MLLT6: variants seen among roughly 807,000 people sequenced by gnomAD.
The protein encoded by MLLT6 is protein AF-17.
Under a neutral mutation model 103.0 loss-of-function variants are expected in MLLT6, and 22 were observed. The observed-to-expected ratio is 0.21, with a 90% CI of 0.15 to 0.31. The LOEUF (loss-of-function observed/expected upper bound fraction) is 0.31. Among genes scored for constraint, MLLT6 ranks in the 10% least tolerant of loss-of-function variants. The pLI is 1.00. For missense variants in MLLT6, 1,199 were observed against 1,441.7 expected, an observed-to-expected ratio of 0.83 and a Z score of 2.73; for synonymous variants, 606 against 623.5, an observed-to-expected ratio of 0.97 and a Z score of 0.42.
At position 38,716,757 on chromosome 17, in the gene MLLT6, A is replaced by G. The variant is rs776291791; in HGVS notation, c.1427A>G (p.His476Arg). The G allele has an allele frequency of 1.2e-6, 2 of 1,609,374 alleles. No homozygotes were observed. Among genetic ancestry groups the G allele is most frequent in the Non-Finnish European group, 1.7e-6 (2 of 1,177,992 alleles). Reference sequence around the variant, plus strand: ...CACAAAGCCAGCAAGAGGAGCCGCCATGGGCCAGGCCGTCCCAAGGGCAGC... The same window carrying G: ...CACAAAGCCAGCAAGAGGAGCCGCCGTGGGCCAGGCCGTCCCAAGGGCAGC... ...KKHKASKRSR[H>R]GPGRPKGSRN... Residue 476 changes from histidine to arginine, a missense_variant, in exon 10 of 20, where the codon CAT becomes CGT. This residue lies in a region of MLLT6 where 1,034 missense variants were observed against 1,091.5 expected (regional missense o/e 0.95). Transcript: ENST00000621332. This position sits in a 1 kb window ranked among gnomAD's most constrained non-coding sequence, Gnocchi z 5.6.
chr17:38,715,402 C>A, intron 8 of MLLT6: 1 of 685,956 alleles, frequency 1.5e-6, no homozygotes, highest in Non-Finnish European at 2.2e-6. Flanking sequence ...GTGAATTCCC[C>A]TCTGCCTTAC....
chr17:38,722,893 C>A (rs1319086993), intron 18 of MLLT6, 125 bp downstream of exon 18: 2 of 737,534 alleles, frequency 2.7e-6, no homozygotes, highest in Non-Finnish European at 2.3e-6. Context: ...CTAGGCTGGG[C>A]CTGTGGGACT....
intron 6 of MLLT6, among the ~76,000 whole-genome samples, chr17:38,710,472 G>A (rs1426028802): frequency 1.3e-5 from 2 of 152,184 alleles, no homozygotes; most frequent in Non-Finnish European, 2.9e-5. Flanking sequence ...CCTGGCAGCC[G>A]CTGTGAGGCT....
chr17:38,725,429 G>GAATGT lies in MLLT6; in HGVS notation c.3241-128_3241-127insAATGT, dbSNP rs1905973119. ...CCTGGTGCACACCCCTCAGAGCCCA[G>GAATGT]GCCAGAGGCTTCCATTGGCCCCGTT... On this transcript the variant is annotated intron_variant, in intron 19 of 19. Transcript: ENST00000621332. 6 of 852,458 alleles carry GAATGT rather than the reference G, an allele frequency of 7.0e-6. No homozygotes were observed. The Admixed American group carries it at 1.5e-4, about 22-fold the overall frequency. The allele number at this position is 852,458 out of a possible 1,614,324, so 52.8% of individuals were successfully genotyped here.
rs577374353 is a variant in MLLT6 at position 38,711,948 on chromosome 17, C to T, written c.654C>T (p.Ser218=). The T allele has an allele frequency of 6.2e-6, 10 of 1,609,494 alleles. No individual in the cohort carries two copies. In the South Asian group the frequency reaches 1.1e-4, roughly 18 times the overall value. Residue 218 remains serine, a synonymous_variant, in exon 7 of 20, where the codon AGC becomes AGT. Coordinates refer to ENST00000621332, the MANE Select transcript of MLLT6 (RefSeq NM_005937.4). The part of the protein sequence containing the change: ...GGSGFISGRR[S]RSASPSTQQE... ...GTGGTTTCATCTCTGGGAGGAGAAG[C>T]CGGTCAGCCTCACCATCCACGCAGC...
intron 16 of MLLT6, chr17:38,720,983 C>A: frequency 1.7e-6 from 1 of 582,054 alleles, no homozygotes; most frequent in Non-Finnish European, 3.1e-6. Context: ...AGATAGGCTA[C>A]CCCAAGCAAA....
intron 18 of MLLT6, among the ~76,000 whole-genome samples, chr17:38,723,166 C>G (rs1206109035): frequency 6.6e-6 from 1 of 152,114 alleles, no homozygotes; most frequent in Non-Finnish European, 1.5e-5. Flanking sequence ...CCTGTTGGGT[C>G]GGCTGAAACT....
intron 17 of MLLT6, 45 bp from the exon 18 acceptor site, chr17:38,722,633 A>AGGGGGGGGGGGGGGGGGGGGGGGG: frequency 2.6e-6 from 1 of 377,884 alleles, no homozygotes; most frequent in Non-Finnish European, 5.0e-6. Context: ...GCCCTCCCCC[A>AGGGGGGGGGGGGGGGGGGGGGGGG]TGGTCTGTGT....
Position 38,728,589 on chromosome 17 carries a change from A to G in MLLT6, c.*2991A>G, listed in dbSNP as rs1217398927. On this transcript the variant is annotated 3_prime_UTR_variant, in exon 20 of 20. Transcript: ENST00000621332. Reference sequence around the variant, plus strand: ...TGTGGGGTCACAACTGGTGCATGCCAGCGCCAAAGGGACCTGTCTTTAGGG... The same window carrying G: ...TGTGGGGTCACAACTGGTGCATGCCGGCGCCAAAGGGACCTGTCTTTAGGG... The G allele has an allele frequency of 1.3e-5, 3 of 233,454 alleles. No homozygotes were observed. The highest frequency in any genetic ancestry group is 6.6e-5 in the African/African-American group (3 of 45,334). 14.5% of individuals were successfully genotyped at this position (233,454 alleles called of 1,614,324 possible). A position where few individuals can be genotyped will look rare whatever the true frequency, so the allele number is the denominator to read the frequency against.
chr17:38,708,947 T>C (rs948142476), intron 4 of MLLT6: 1 of 524,746 alleles, frequency 1.9e-6, no homozygotes, highest in African/African-American at 2.0e-5. Context: ...TAGAATCTAG[T>C]TCCTCAGTCA....
intron 14 of MLLT6, 102 bp from the exon 15 acceptor site, chr17:38,720,270 T>G: frequency 8.3e-7 from 1 of 1,199,042 alleles, no homozygotes; most frequent in Non-Finnish European, 1.2e-6. Flanking sequence ...GCGCCGCCTT[T>G]TCAAGGGCTG....
At position 38,707,046 on chromosome 17, in the gene MLLT6, C is replaced by T. The variant is rs766601030; in HGVS notation, c.189+17C>T. The T allele has an allele frequency of 8.7e-6, 14 of 1,602,428 alleles. No homozygotes were observed. In the South Asian group the frequency reaches 1.4e-4, roughly 16 times the overall value. On this transcript the variant is annotated intron_variant, in intron 2 of 19. Coordinates refer to ENST00000621332, the MANE Select transcript of MLLT6 (RefSeq NM_005937.4). ...GCCAGGGTGGTGAGTTCCAGACTGC[C>T]CCTCTCCACTCCCCTGCCCCTCCCA...
At chr17:38,710,707 AG>A (rs1285926054) in intron 6 of MLLT6, among the ~76,000 whole-genome samples, 1 of 152,076 alleles carries the variant, frequency 6.6e-6, no homozygotes, top group East Asian at 1.9e-4. Flanking sequence ...TGGCTTCTGT[AG>A]GGGGAACACA....
chr17:38,720,503 G>C lies in MLLT6; in HGVS notation c.2287G>C (p.Ala763Pro). The change falls in exon 15 of 20, where the codon GCC becomes CCC. Residue 763 changes from alanine to proline, a missense_variant. Around this residue, in one of 7 missense-constraint regions of MLLT6, gnomAD observed 1,034 missense variants for 1,091.5 expected, o/e 0.95. Transcript: ENST00000621332. ...LNVQLSVPFP[A>P]LPAALPAANG... ...CGTGCAGCTCTCTGTGCCCTTCCCTGCCCTGCCTGCTGCCCTGCCTGCCGC... is the reference window on the plus strand; with the variant it reads ...CGTGCAGCTCTCTGTGCCCTTCCCTCCCCTGCCTGCTGCCCTGCCTGCCGC... 1.2e-6 allele frequency: 2 copies of C among 1,612,462 alleles called. No homozygotes were observed. The highest frequency in any genetic ancestry group is 1.7e-6 in the Non-Finnish European group (2 of 1,179,768).
rs34975981 is a variant in MLLT6 at position 38,723,745 on chromosome 17, T to TA, written c.2884-875_2884-874insA. Among the ~76,000 whole-genome samples the TA allele has an allele frequency of 3.8e-3, 575 of 150,690 alleles. 6 individuals carry two copies. The highest frequency in any genetic ancestry group is 0.013 in the African/African-American group (547 of 41,254). Reference sequence around the variant, plus strand: ...AAAAGAGAAAGGGAATTGAAAACTTTTTTTTTTTTTTTTTGAGACAGAGTT... The same window carrying TA: ...AAAAGAGAAAGGGAATTGAAAACTTTATTTTTTTTTTTTTTGAGACAGAGTT... On this transcript the variant is annotated intron_variant, in intron 18 of 19. Coordinates refer to ENST00000621332, the MANE Select transcript of MLLT6 (RefSeq NM_005937.4).
intron 16 of MLLT6, chr17:38,721,136 A>G (rs1425155311): frequency 3.7e-6 from 1 of 267,692 alleles, no homozygotes; most frequent in Non-Finnish European, 7.2e-6. Context: ...AGGGTTTATT[A>G]TAGCGCCTCA....
rs1197733714 is a variant in MLLT6 at position 38,724,420 on chromosome 17, A to G, written c.2884-200A>G. The G allele has an allele frequency of 1.7e-5, 9 of 534,584 alleles. No individual in the cohort carries two copies. The highest frequency in any genetic ancestry group is 2.8e-5 in the South Asian group (1 of 36,230). The allele number at this position is 534,584 out of a possible 1,614,324, so 33.1% of individuals were successfully genotyped here. On this transcript the variant is annotated intron_variant, in intron 18 of 19. Transcript: ENST00000621332. The surrounding 1 kb of genome is among the most constrained non-coding windows in gnomAD (Gnocchi z 5.4). The stretch of plus-strand genomic sequence containing the variant: ...GCAGTGCTGCAGCTGGCAAATACCA[A>G]TGGCGTGCAACCATTTTCTTGTCTA...
intron 17 of MLLT6, 23 bp from the exon 18 acceptor site, chr17:38,722,655 C>T (rs751698437): frequency 4.4e-6 from 2 of 459,000 alleles, no homozygotes; most frequent in African/African-American, 2.2e-5. Context: ...TTGTCCCCCC[C>T]CCACCCCCCA....
At chr17:38,715,954 T>TG in intron 9 of MLLT6, 126 bp downstream of exon 9, 1 of 874,442 alleles carries the variant, frequency 1.1e-6, no homozygotes, top group Non-Finnish European at 1.7e-6. Flanking sequence ...AGGATAAAGA[T>TG]GGGGAATCCC....
Sources: allele counts gnomAD v4.1 joint callset (sites outside exome capture counted in the v4.1 genomes callset), GRCh38; gene constraint gnomAD v4.1.1; regional missense constraint gnomAD v4.1.1; non-coding constraint Gnocchi (gnomAD v3.1); transcripts MANE v1.5; gene names NCBI Gene and HGNC (gene_info 2026-07-23, HGNC 2026-07-21).